Variants in FMN1 observed in about 807,000 individuals in gnomAD.
The protein encoded by FMN1 is formin 1.
In FMN1, 110 loss-of-function variants were observed where a neutral mutation model predicts 132.4. That is an observed-to-expected ratio of 0.83 (90% CI 0.71 to 0.97). FMN1 has a LOEUF of 0.97. Ranked by LOEUF, FMN1 falls within the 50% of genes least tolerant of loss-of-function variation. The pLI is 0.00. For missense variants in FMN1, 1,792 were observed against 1,705.3 expected, an observed-to-expected ratio of 1.05 and a Z score of -0.90; for synonymous variants, 722 against 651.7, an observed-to-expected ratio of 1.11 and a Z score of -1.64.
At chr15:33,114,697 A>G (rs759154711) in intron 4 of FMN1, among the ~76,000 whole-genome samples, 2 of 152,182 alleles carry the variant, frequency 1.3e-5, no homozygotes, top group Non-Finnish European at 2.9e-5. Context: ...AACTGCTGTA[A>G]TGTCTCCTAA....
chr15:33,179,672 C>T (rs1965630672), intron 3 of FMN1, among the ~76,000 whole-genome samples: 3 of 152,188 alleles, frequency 2.0e-5, no homozygotes, highest in Non-Finnish European at 4.4e-5. Context: ...GAGTTTTGTT[C>T]ACTGCCATGT....
chr15:32,900,225 G>C, intron 13 of FMN1, 100 bp from the exon 14 acceptor site: 1 of 1,284,436 alleles, frequency 7.8e-7, no homozygotes. Context: ...GCTGTCGGGA[G>C]GCTTGGTACC....
chr15:33,133,686 G>A (rs1408942784), intron 4 of FMN1, among the ~76,000 whole-genome samples: 1 of 152,156 alleles, frequency 6.6e-6, no homozygotes, highest in Admixed American at 6.5e-5. Context: ...GGGGCATGTT[G>A]ATACATCTTT....
chr15:32,872,071 T>C (rs2059529178), intron 16 of FMN1, among the ~76,000 whole-genome samples: 2 of 151,748 alleles, frequency 1.3e-5, no homozygotes. Flanking sequence ...CCCTAATGTG[T>C]CACGTTTAAT....
At chr15:33,128,674 G>C (rs892894651) in intron 4 of FMN1, among the ~76,000 whole-genome samples, 2 of 152,184 alleles carry the variant, frequency 1.3e-5, no homozygotes, top group Non-Finnish European at 2.9e-5. Context: ...TGAGTTTGTA[G>C]TCTCACTGAC....
At chr15:32,951,424 GACACACACACACACACAC>G (rs3081377) in intron 9 of FMN1, among the ~76,000 whole-genome samples, 2 of 148,966 alleles carry the variant, frequency 1.3e-5, no homozygotes, top group African/African-American at 4.9e-5. Flanking sequence ...GCCCCAGTGG[GACACACACACACACACAC>G]ACACACACAC....
rs943819178 is a variant in FMN1, at chr15:32,994,550, G to A, written c.2223+13464C>T. ...CAGCACTCATCACATTATATTTATT[G>A]GCTGGTTATTTTATCAATATCTGTT... On this transcript the variant is annotated intron_variant, in intron 7 of 20. Coordinates refer to ENST00000616417, the MANE Select transcript of FMN1 (RefSeq NM_001277313.2). 3.9e-5 allele frequency among the ~76,000 whole-genome samples: 6 copies of A among 152,102 alleles called. 1 individual carries two copies. The East Asian group carries it at 1.2e-3, about 29-fold the overall frequency.
At chr15:32,805,858 T>G (rs964078793) in intron 17 of FMN1, among the ~76,000 whole-genome samples, 1 of 144,880 alleles carries the variant, frequency 6.9e-6, no homozygotes, top group Admixed American at 6.7e-5. Context: ...CATGGACTCT[T>G]GTCAGAATAA....
chr15:32,847,020 A>T (rs1220231289), intron 17 of FMN1, among the ~76,000 whole-genome samples: 1 of 152,216 alleles, frequency 6.6e-6, no homozygotes, highest in Non-Finnish European at 1.5e-5. Flanking sequence ...ACCTGGGGAC[A>T]TTTCCAATCA....
intron 3 of FMN1, among the ~76,000 whole-genome samples, chr15:33,176,440 AG>A (rs1414919888): frequency 6.7e-6 from 1 of 149,476 alleles, no homozygotes; most frequent in Non-Finnish European, 1.5e-5. Flanking sequence ...CGGGAGGCAA[AG>A]GTTGCAGTGA....
chr15:32,979,707 A>G (rs2032499417), intron 7 of FMN1, among the ~76,000 whole-genome samples: 1 of 150,946 alleles, frequency 6.6e-6, no homozygotes, highest in Non-Finnish European at 1.5e-5. Context: ...TACTATTATT[A>G]TTCAGACATA....
At chr15:32,872,826 C>T (rs939341627) in intron 16 of FMN1, among the ~76,000 whole-genome samples, 4 of 152,146 alleles carry the variant, frequency 2.6e-5, no homozygotes, top group African/African-American at 9.7e-5. Context: ...CGTTTCAGCC[C>T]TCGCTGGTTA....
At chr15:33,023,865 A>G (rs907142370) in intron 6 of FMN1, among the ~76,000 whole-genome samples, 2 of 152,308 alleles carry the variant, frequency 1.3e-5, no homozygotes, top group South Asian at 4.1e-4. Flanking sequence ...CACATTTAAG[A>G]AAAATATTCA....
intron 16 of FMN1, among the ~76,000 whole-genome samples, chr15:32,884,040 G>A (rs2059836362): frequency 6.6e-6 from 1 of 152,006 alleles, no homozygotes; most frequent in South Asian, 2.1e-4. Context: ...GCACGCGCAT[G>A]TGTGTGTTTG....
chr15:32,930,404 T>A (rs1275884557), intron 9 of FMN1, among the ~76,000 whole-genome samples: 1 of 151,716 alleles, frequency 6.6e-6, no homozygotes, highest in Non-Finnish European at 1.5e-5. Context: ...AAACTTGGTA[T>A]TTTTCAGTTT....
At chr15:33,077,003 A>T (rs1333491331) in intron 5 of FMN1, among the ~76,000 whole-genome samples, 9 of 152,214 alleles carry the variant, frequency 5.9e-5, no homozygotes, top group African/African-American at 2.2e-4. Context: ...ATTGCAAAGG[A>T]GAAGGTAAGT....
At chr15:32,918,206 C>T (rs145655553) in intron 10 of FMN1, among the ~76,000 whole-genome samples, 18 of 151,462 alleles carry the variant, frequency 1.2e-4, no homozygotes, top group Admixed American at 3.3e-4. Context: ...GAGTATATAA[C>T]AATAATTGTA....
intron 4 of FMN1, among the ~76,000 whole-genome samples, chr15:33,108,893 T>A (rs1338400133): frequency 6.6e-6 from 1 of 152,142 alleles, no homozygotes; most frequent in Non-Finnish European, 1.5e-5. Flanking sequence ...GTCAGTGACC[T>A]CAGCCTACAA....
intron 5 of FMN1, among the ~76,000 whole-genome samples, chr15:33,076,759 A>T (rs190633902): frequency 4.8e-4 from 73 of 152,198 alleles, no homozygotes; most frequent in African/African-American, 1.1e-3. Context: ...GACAATAAAT[A>T]AAAAAAACTA....
Sources: gnomAD v4.1 joint callset for allele counts (sites outside exome capture counted in the v4.1 genomes callset) on GRCh38, gnomAD v4.1.1 for gene constraint, MANE v1.5 for transcripts, NCBI Gene and HGNC (gene_info 2026-07-23, HGNC 2026-07-21) for gene names.